Variants in CNTLN observed in about 807,000 individuals in gnomAD.
CNTLN encodes centlein, also known as centlein, centrosomal protein.
CNTLN carries 212 observed loss-of-function variants against 180.0 expected under a neutral mutation model. The observed-to-expected ratio is 1.18, with a 90% confidence interval of 1.05 to 1.32. The LOEUF (loss-of-function observed/expected upper bound fraction) is 1.32, where lower values mean the gene tolerates loss of function less well. Ranked by LOEUF, CNTLN falls within the 40% of genes most tolerant of loss-of-function variation. CNTLN has a pLI of 0.00. For missense variants in CNTLN, 2,095 were observed against 1,610.9 expected, an observed-to-expected ratio of 1.30 and a Z score of -5.14; for synonymous variants, 722 against 563.1, an observed-to-expected ratio of 1.28 and a Z score of -3.99.
intron 3 of CNTLN, among the ~76,000 whole-genome samples, chr9:17,227,601 A>G (rs1193655101): frequency 2.0e-5 from 3 of 152,020 alleles, no homozygotes; most frequent in Non-Finnish European, 4.4e-5. Context: ...CTAACCAATT[A>G]AAGGTTCATG....
chr9:17,300,934 A>T, intron 7 of CNTLN: 2 of 972,516 alleles, frequency 2.1e-6, no homozygotes, highest in Non-Finnish European at 2.4e-6. Flanking sequence ...TACTTCCTTT[A>T]TTCTACAACT....
intron 18 of CNTLN, among the ~76,000 whole-genome samples, chr9:17,438,311 A>G (rs1250551502): frequency 1.3e-5 from 2 of 152,176 alleles, no homozygotes. Flanking sequence ...TTAGGAAGAG[A>G]TCTAGACAAT....
the CNTLN span, among the ~76,000 whole-genome samples, chr9:17,514,311 A>G: frequency 1.3e-5 from 2 of 152,210 alleles, no homozygotes; most frequent in Non-Finnish European, 2.9e-5. Context: ...TGCTGTCTCA[A>G]ACAAAACAAA....
downstream of CNTLN, among the ~76,000 whole-genome samples, chr9:17,507,441 C>G: frequency 6.6e-6 from 1 of 152,086 alleles, no homozygotes; most frequent in South Asian, 2.1e-4. Context: ...GTGAAGAATG[C>G]TGCTATGAAC....
At chr9:17,474,807 G>A (rs954620442) in intron 23 of CNTLN, among the ~76,000 whole-genome samples, 6 of 151,300 alleles carry the variant, frequency 4.0e-5, no homozygotes, top group African/African-American at 7.3e-5. Flanking sequence ...GGCGGAGGTC[G>A]CAGTGAGCCA....
At chr9:17,201,168 C>T (rs2131878946) in intron 2 of CNTLN, among the ~76,000 whole-genome samples, 1 of 152,298 alleles carries the variant, frequency 6.6e-6, no homozygotes, top group African/African-American at 2.4e-5. Flanking sequence ...AGCCTTGCAT[C>T]CTATGGATGA....
At chr9:17,488,351 CAT>C (rs1406854478) in intron 25 of CNTLN, among the ~76,000 whole-genome samples, 3 of 152,100 alleles carry the variant, frequency 2.0e-5, no homozygotes, top group African/African-American at 7.2e-5. Flanking sequence ...ATTTCTTAAT[CAT>C]GTGGTACTCC....
intron 5 of CNTLN, among the ~76,000 whole-genome samples, chr9:17,268,452 TG>T (rs1035093224): frequency 6.6e-6 from 1 of 152,124 alleles, no homozygotes; most frequent in South Asian, 2.1e-4. Flanking sequence ...CTGCCCCTAC[TG>T]GGGGGTGCCT....
At chr9:17,293,999 C>A (rs566524757) in intron 6 of CNTLN, among the ~76,000 whole-genome samples, 3 of 152,212 alleles carry the variant, frequency 2.0e-5, no homozygotes, top group East Asian at 1.9e-4. Context: ...AGCCACGGAC[C>A]CTTGCGGTGA....
chr9:17,406,833 C>G (rs1452300391), intron 15 of CNTLN, among the ~76,000 whole-genome samples: 1 of 151,710 alleles, frequency 6.6e-6, no homozygotes, highest in African/African-American at 2.4e-5. Flanking sequence ...TGCCCCATCA[C>G]TAAGACACGT....
intron 5 of CNTLN, among the ~76,000 whole-genome samples, chr9:17,238,452 C>T (rs1173946189): frequency 2.6e-5 from 4 of 152,294 alleles, no homozygotes; most frequent in African/African-American, 9.6e-5. Context: ...AAAGAATTCT[C>T]ATAGCTACCT....
At position 17,140,921 on chromosome 9, in the gene CNTLN, T is replaced by C. The variant is rs980244261; in HGVS notation, c.361-2367T>C. On this transcript the variant is annotated intron_variant, in intron 1 of 25. Transcript: ENST00000380647. ...TTGGAATAGAGAAGGCTTTTCTAAC[T>C]GGTACATAAAATCCATAAGCCATAA... 2.0e-5 allele frequency among the ~76,000 whole-genome samples: 3 copies of C among 152,080 alleles called. No homozygotes were observed. The East Asian group carries it at 5.8e-4, about 29-fold the overall frequency.
intron 2 of CNTLN, among the ~76,000 whole-genome samples, chr9:17,180,328 C>T (rs946150307): frequency 7.1e-6 from 1 of 141,092 alleles, no homozygotes; most frequent in African/African-American, 2.6e-5. Flanking sequence ...TTGTATATAT[C>T]TTTAGTGGTT....
At position 17,316,563 on chromosome 9, in the gene CNTLN, G is replaced by T. The variant is rs150451749; in HGVS notation, c.1341+7311G>T. Among the ~76,000 whole-genome samples, 318 of 152,096 alleles carry T rather than the reference G, an allele frequency of 2.1e-3. 1 individual carries two copies. Among genetic ancestry groups the T allele is most frequent in the African/African-American group, 7.3e-3 (301 of 41,502 alleles). The stretch of plus-strand genomic sequence containing the variant: ...TGGTTTTAGCCATATCATAAGTCAA[G>T]GAGTGTACTGAATGCATATTGCTTT... On this transcript the variant is annotated intron_variant, in intron 8 of 25. Transcript: ENST00000380647.
intron 2 of CNTLN, among the ~76,000 whole-genome samples, chr9:17,150,426 G>C (rs1818780023): frequency 6.6e-6 from 1 of 152,204 alleles, no homozygotes; most frequent in East Asian, 1.9e-4. Context: ...CCCATTGCTT[G>C]TGTGTGTCAG....
intron 18 of CNTLN, among the ~76,000 whole-genome samples, chr9:17,435,933 C>G (rs1254237452): frequency 6.6e-6 from 1 of 152,122 alleles, no homozygotes; most frequent in Non-Finnish European, 1.5e-5. Context: ...TAGCCCTCGT[C>G]CACCCAGCTG....
At chr9:17,140,202 C>G (rs986157606) in intron 1 of CNTLN, among the ~76,000 whole-genome samples, 2 of 151,772 alleles carry the variant, frequency 1.3e-5, no homozygotes, top group African/African-American at 4.8e-5. Flanking sequence ...CCAAATTGAC[C>G]ATAGTATAGC....
At chr9:17,195,847 A>G (rs1374132317) in intron 2 of CNTLN, among the ~76,000 whole-genome samples, 1 of 152,122 alleles carries the variant, frequency 6.6e-6, no homozygotes, top group Non-Finnish European at 1.5e-5. Context: ...AATTAAAAGG[A>G]TACTTTTTCT....
At chr9:17,306,142 G>A (rs1759619) in intron 7 of CNTLN, among the ~76,000 whole-genome samples, 1 of 143,566 alleles carries the variant, frequency 7.0e-6, no homozygotes, top group Non-Finnish European at 1.5e-5. Context: ...GCTATTAGTC[G>A]TCTATTTTTT....
Sources: gnomAD v4.1 joint callset for allele counts (sites outside exome capture counted in the v4.1 genomes callset) on GRCh38, gnomAD v4.1.1 for gene constraint, MANE v1.5 for transcripts, NCBI Gene and HGNC (gene_info 2026-07-23, HGNC 2026-07-21) for gene names.